The following ZNF469 variants were observed in gnomAD, a reference collection of about 807,000 sequenced individuals.
ZNF469 encodes zinc finger protein 469.
ZNF469 carries 1 observed loss-of-function variant against 1.0 expected under a neutral mutation model. The ratio of observed to expected loss-of-function variants is 1.00; its 90% confidence interval spans 0.35 to 4.73. The LOEUF (loss-of-function observed/expected upper bound fraction) is 4.73, where lower values mean the gene tolerates loss of function less well. Among genes scored for constraint, ZNF469 ranks in the 30% most tolerant of loss-of-function variants. The pLI, the probability that ZNF469 is intolerant of heterozygous loss-of-function variation, is 0.16. For synonymous variants in ZNF469, 2,703 were observed against 2,363.4 expected (o/e 1.14, Z -4.17); for missense variants, 6,100 against 5,356.3 (o/e 1.14, Z -4.33).
At chr16:88,377,869 T>G in the ZNF469 span, among the ~76,000 whole-genome samples, 1 of 146,542 alleles carries the variant, frequency 6.8e-6, no homozygotes, top group African/African-American at 2.7e-5. Context: ...GAGCTTGTTG[T>G]TGTTGTTGTT....
At chr16:88,111,895 A>G in the ZNF469 span, among the ~76,000 whole-genome samples, 1 of 152,120 alleles carries the variant, frequency 6.6e-6, no homozygotes, top group Non-Finnish European at 1.5e-5. Context: ...TTGGCCTCCC[A>G]AAGTGCTGGG....
chr16:88,309,032 C>T, the ZNF469 span, among the ~76,000 whole-genome samples: 1 of 152,188 alleles, frequency 6.6e-6, no homozygotes, highest in African/African-American at 2.4e-5. Context: ...CTTTCCTCTC[C>T]CCTGCCCAGG....
chr16:88,391,894 T>C (rs1451029424), intron 1 of ZNF469, among the ~76,000 whole-genome samples: 1 of 152,234 alleles, frequency 6.6e-6, no homozygotes, highest in Non-Finnish European at 1.5e-5. Context: ...AAATTTAGTA[T>C]AATATGATAT....
the ZNF469 span, among the ~76,000 whole-genome samples, chr16:88,217,116 C>A: frequency 6.6e-6 from 1 of 151,864 alleles, no homozygotes; most frequent in Non-Finnish European, 1.5e-5. Flanking sequence ...GTCGTGTGGT[C>A]CTGCCTTTGG....
chr16:88,405,556 T>G (rs150804775), intron 1 of ZNF469, among the ~76,000 whole-genome samples: 6 of 152,290 alleles, frequency 3.9e-5, no homozygotes, highest in African/African-American at 1.4e-4. Context: ...TGGAGAGGAC[T>G]CCAGTGGGAA....
At position 88,437,857 on chromosome 16, in the gene ZNF469, G is replaced by A. The variant is rs1368914153; in HGVS notation, c.10387G>A (p.Ala3463Thr). Residue 3463 changes from alanine to threonine, a missense_variant, in exon 3 of 3, where the codon GCC becomes ACC. Physicochemically the swap from Ala to Thr is moderately conservative, Grantham distance 58. Transcript: ENST00000565624. ...VRRPGAPGQKARALEGTLPSK... is the reference protein window; with the variant it reads ...VRRPGAPGQKTRALEGTLPSK... ...GAGGCCGGGAGCGCCGGGACAGAAGGCCCGGGCCCTCGAGGGCACACTGCC... is the reference window on the plus strand; with the variant it reads ...GAGGCCGGGAGCGCCGGGACAGAAGACCCGGGCCCTCGAGGGCACACTGCC... The A allele has an allele frequency of 5.8e-6, 9 of 1,539,660 alleles. No homozygotes were observed. The highest frequency in any genetic ancestry group is 1.2e-5 in the South Asian group (1 of 83,722).
At chr16:88,336,462 C>A in the ZNF469 span, among the ~76,000 whole-genome samples, 1 of 151,448 alleles carries the variant, frequency 6.6e-6, no homozygotes, top group East Asian at 1.9e-4. Flanking sequence ...GAGACACTAA[C>A]ATGCCAATAC....
the ZNF469 span, among the ~76,000 whole-genome samples, chr16:88,117,253 C>T: frequency 3.4e-5 from 5 of 148,250 alleles, no homozygotes; most frequent in East Asian, 3.9e-4. Flanking sequence ...GTGTGAGAGC[C>T]GGGGACGTGT....
At chr16:88,107,764 G>A in the ZNF469 span, among the ~76,000 whole-genome samples, 1 of 152,232 alleles carries the variant, frequency 6.6e-6, no homozygotes, top group African/African-American at 2.4e-5. Context: ...ACAAGTCAGG[G>A]CACGCCTGGC....
chr16:88,418,243 A>T (rs942072541), intron 1 of ZNF469, among the ~76,000 whole-genome samples: 2 of 152,138 alleles, frequency 1.3e-5, no homozygotes, highest in African/African-American at 4.8e-5. Context: ...GCCGGGACCA[A>T]CAGCAACAGC....
the ZNF469 span, among the ~76,000 whole-genome samples, chr16:88,107,443 C>T: frequency 7.2e-5 from 11 of 152,230 alleles, no homozygotes; most frequent in African/African-American, 2.2e-4. Context: ...CACTCACTAT[C>T]ATGAGAACAG....
Position 88,435,582 on chromosome 16 carries a change from G to A in ZNF469, c.8112G>A (p.Glu2704=), listed in dbSNP as rs773262065. 7 of 1,550,012 alleles carry A rather than the reference G, an allele frequency of 4.5e-6. No homozygotes were observed. Among genetic ancestry groups the A allele is most frequent in the African/African-American group, 1.4e-5 (1 of 73,050 alleles). The change falls in exon 3 of 3, where the codon GAG becomes GAA. Residue 2704 remains glutamate, a synonymous_variant. Coordinates refer to ENST00000565624, the MANE Select transcript of ZNF469 (RefSeq NM_001367624.2). ...CCACTCTGGGACCTGGGGTGATGGAGGGTGCAGCGGAGACTGACCAGGAGG... is the reference window on the plus strand; with the variant it reads ...CCACTCTGGGACCTGGGGTGATGGAAGGTGCAGCGGAGACTGACCAGGAGG... The part of the protein sequence containing the change: ...RLATLGPGVM[E]GAAETDQEAL...
chr16:88,432,417 G>C lies in ZNF469; in HGVS notation c.4947G>C (p.Ala1649=). 6.5e-7 allele frequency: 1 copy of C among 1,550,042 alleles called. No homozygotes were observed. The highest frequency in any genetic ancestry group is 1.2e-5 in the South Asian group (1 of 84,056). Residue 1649 remains alanine, a synonymous_variant, in exon 3 of 3, where the codon GCG becomes GCC. Coordinates refer to ENST00000565624, the MANE Select transcript of ZNF469 (RefSeq NM_001367624.2). The stretch of plus-strand genomic sequence containing the variant: ...AATCGGCTGTGGCCACCGTGGAAGC[G>C]GTTCAGGGGAGGCCTGGGGGGACGT... ...GAESAVATVE[A]VQGRPGGTWP...
At chr16:88,166,434 G>A in the ZNF469 span, among the ~76,000 whole-genome samples, 8 of 151,976 alleles carry the variant, frequency 5.3e-5, no homozygotes, top group African/African-American at 9.7e-5. This position sits in a 1 kb window ranked among gnomAD's most constrained non-coding sequence, Gnocchi z 4.5. Flanking sequence ...ATTTCCATGC[G>A]GTGAAATGCA....
chr16:88,381,078 TCA>T (rs1395460643), upstream of ZNF469, among the ~76,000 whole-genome samples: 8 of 79,238 alleles, frequency 1.0e-4, no homozygotes, highest in East Asian at 1.5e-3. Flanking sequence ...AGGCATGCAC[TCA>T]CACACGCACT....
At chr16:88,182,897 T>G in the ZNF469 span, among the ~76,000 whole-genome samples, 2 of 152,136 alleles carry the variant, frequency 1.3e-5, no homozygotes, top group Non-Finnish European at 2.9e-5. Flanking sequence ...AAACTGAACT[T>G]TATCCAAATC....
the ZNF469 span, among the ~76,000 whole-genome samples, chr16:88,232,738 G>A: frequency 7.9e-5 from 12 of 152,220 alleles, no homozygotes; most frequent in Non-Finnish European, 1.5e-4. Context: ...GGGCTGGGTC[G>A]GGTCTGTTTG....
chr16:88,338,579 G>A, the ZNF469 span, among the ~76,000 whole-genome samples: 8 of 152,216 alleles, frequency 5.3e-5, no homozygotes, highest in African/African-American at 1.7e-4. Flanking sequence ...GAAGAAACAC[G>A]GAGGCCAGAG....
At chr16:88,257,112 C>A in the ZNF469 span, among the ~76,000 whole-genome samples, 2 of 97,576 alleles carry the variant, frequency 2.0e-5, no homozygotes, top group Admixed American at 1.1e-4. Flanking sequence ...CCATACCCCA[C>A]TAATTTTTTT....
Sources: gnomAD v4.1 joint callset for allele counts (sites outside exome capture counted in the v4.1 genomes callset) on GRCh38, gnomAD v4.1.1 for gene constraint, Gnocchi (gnomAD v3.1) non-coding constraint, MANE v1.5 for transcripts, NCBI Gene and HGNC (gene_info 2026-07-23, HGNC 2026-07-21) for gene names.